Variants in PPARGC1A observed in about 807,000 individuals in gnomAD.
The protein encoded by PPARGC1A is peroxisome proliferator-activated receptor gamma coactivator 1-alpha.
In PPARGC1A, 25 loss-of-function variants were observed where a neutral mutation model predicts 88.7. That is an observed-to-expected ratio of 0.28 (90% CI 0.21 to 0.39). The LOEUF (loss-of-function observed/expected upper bound fraction) is 0.39, where lower values mean the gene tolerates loss of function less well. Ranked by LOEUF, PPARGC1A falls within the 10% of genes least tolerant of loss-of-function variation. The pLI, the probability that PPARGC1A is intolerant of heterozygous loss-of-function variation, is 1.00. For synonymous variants in PPARGC1A, 363 were observed against 355.6 expected, an observed-to-expected ratio of 1.02 and a Z score of -0.24; for missense variants, 880 against 968.7, an observed-to-expected ratio of 0.91 and a Z score of 1.22.
At chr4:24,249,078 C>T in the PPARGC1A span, among the ~76,000 whole-genome samples, 5 of 152,136 alleles carry the variant, frequency 3.3e-5, no homozygotes, top group African/African-American at 1.2e-4. Context: ...CAACACTTTG[C>T]CCTCAGATCC....
At chr4:24,017,763 G>GA in the PPARGC1A span, among the ~76,000 whole-genome samples, 24 of 151,982 alleles carry the variant, frequency 1.6e-4, no homozygotes, top group African/African-American at 5.5e-4. Flanking sequence ...TGGGACCCTA[G>GA]AAAAAAAACT....
At chr4:24,049,354 A>T in the PPARGC1A span, among the ~76,000 whole-genome samples, 1 of 148,240 alleles carries the variant, frequency 6.7e-6, no homozygotes, top group African/African-American at 2.5e-5. Flanking sequence ...ATATATGAAT[A>T]ATCAGGGAAG....
intron 7 of PPARGC1A, chr4:23,820,738 C>A: frequency 3.9e-6 from 1 of 254,766 alleles, no homozygotes; most frequent in Non-Finnish European, 8.4e-6. Flanking sequence ...AGCAAACTTC[C>A]TATCTCATCC....
At chr4:24,454,196 G>GAC in the PPARGC1A span, among the ~76,000 whole-genome samples, 2 of 151,198 alleles carry the variant, frequency 1.3e-5, no homozygotes, top group South Asian at 4.2e-4. Flanking sequence ...GAAGACATAA[G>GAC]TGAACCCAGC....
chr4:24,179,649 G>T, the PPARGC1A span, among the ~76,000 whole-genome samples: 3 of 152,284 alleles, frequency 2.0e-5, no homozygotes, highest in East Asian at 5.8e-4. Flanking sequence ...GCAAAAGCAT[G>T]CATGAACCCA....
At chr4:24,368,365 C>G in the PPARGC1A span, among the ~76,000 whole-genome samples, 1 of 152,216 alleles carries the variant, frequency 6.6e-6, no homozygotes, top group South Asian at 2.1e-4. Flanking sequence ...TTAACAGATA[C>G]TTTCAATAAG....
chr4:24,470,131 CTG>C, the PPARGC1A span, among the ~76,000 whole-genome samples: 1 of 152,090 alleles, frequency 6.6e-6, no homozygotes, highest in Non-Finnish European at 1.5e-5. The surrounding 1 kb of genome is among the most constrained non-coding windows in gnomAD (Gnocchi z 5.8). Flanking sequence ...CCTAACGCCT[CTG>C]ACTCCAGGAC....
the PPARGC1A span, among the ~76,000 whole-genome samples, chr4:24,385,981 C>T: frequency 8.5e-5 from 13 of 152,194 alleles, no homozygotes; most frequent in Admixed American, 1.3e-4. Flanking sequence ...AACATCAGTG[C>T]GAAAATTCTC....
chr4:24,171,191 C>T, the PPARGC1A span, among the ~76,000 whole-genome samples: 6 of 152,022 alleles, frequency 3.9e-5, no homozygotes, highest in Non-Finnish European at 7.4e-5. Context: ...ACCGGCGGAT[C>T]GGTCAAGGGA....
chr4:24,373,398 T>C, the PPARGC1A span, among the ~76,000 whole-genome samples: 4 of 152,176 alleles, frequency 2.6e-5, no homozygotes, highest in Admixed American at 2.6e-4. Flanking sequence ...AAGACTGCTG[T>C]TCAAAATTAG....
At chr4:24,422,278 A>C in the PPARGC1A span, among the ~76,000 whole-genome samples, 2 of 152,386 alleles carry the variant, frequency 1.3e-5, no homozygotes, top group Admixed American at 1.3e-4. Flanking sequence ...CCTTTACAAA[A>C]GAAAAGTTTG....
chr4:23,921,580 T>C, the PPARGC1A span, among the ~76,000 whole-genome samples: 7 of 152,076 alleles, frequency 4.6e-5, no homozygotes, highest in African/African-American at 7.2e-5. Context: ...CTGGCGACAA[T>C]AGAACTGTCT....
At chr4:24,237,560 A>G in the PPARGC1A span, among the ~76,000 whole-genome samples, 1 of 152,288 alleles carries the variant, frequency 6.6e-6, no homozygotes, top group African/African-American at 2.4e-5. Context: ...ATGGAGTTCG[A>G]TACCCGTAAT....
chr4:23,896,746 TA>T (rs1430700032), intron 1 of PPARGC1A, among the ~76,000 whole-genome samples: 1 of 152,164 alleles, frequency 6.6e-6, no homozygotes, highest in African/African-American at 2.4e-5. Context: ...TATACAATAG[TA>T]AATATTTTCA....
In PPARGC1A at chr4:23,793,968, A is replaced by AAAC. The variant is rs1425604372; in HGVS notation, c.*1851_*1853dup. 1 of 152,612 alleles carries AAAC rather than the reference A, an allele frequency of 6.6e-6. No individual in the cohort carries two copies. Among genetic ancestry groups the AAAC allele is most frequent in the African/African-American group, 2.4e-5 (1 of 41,464 alleles). 9.5% of individuals were successfully genotyped at this position (152,612 alleles called of 1,614,324 possible). On this transcript the variant is annotated 3_prime_UTR_variant, in exon 13 of 13. Transcript: ENST00000264867. ...CAACTGATAAATATGTCTCTTTAGT[A>AAAC]AACAAAGGAATGAAATATCAGTATT... is the stretch of plus-strand genomic sequence containing the variant.
chr4:23,817,243 C>T (rs978618832), intron 7 of PPARGC1A, among the ~76,000 whole-genome samples: 3 of 152,090 alleles, frequency 2.0e-5, no homozygotes, highest in Admixed American at 6.6e-5. Context: ...ATTTGAAACC[C>T]TTGTCCTAGT....
the PPARGC1A span, among the ~76,000 whole-genome samples, chr4:24,254,003 A>AG: frequency 6.6e-6 from 1 of 152,318 alleles, no homozygotes; most frequent in South Asian, 2.1e-4. Flanking sequence ...ACACTGATTT[A>AG]ATAATATTAT....
the PPARGC1A span, among the ~76,000 whole-genome samples, chr4:24,354,527 T>C: frequency 6.6e-6 from 1 of 152,232 alleles, no homozygotes; most frequent in Non-Finnish European, 1.5e-5. Flanking sequence ...AGTTTTCTTT[T>C]ACTCACTAAA....
At chr4:23,819,182 TA>T (rs1284171759) in intron 7 of PPARGC1A, among the ~76,000 whole-genome samples, 4 of 152,042 alleles carry the variant, frequency 2.6e-5, no homozygotes, top group Non-Finnish European at 5.9e-5. Context: ...ATTCAGTAGA[TA>T]AAAGCTGCCC....
Sources: allele counts gnomAD v4.1 joint callset (sites outside exome capture counted in the v4.1 genomes callset), GRCh38; gene constraint gnomAD v4.1.1; non-coding constraint Gnocchi (gnomAD v3.1); transcripts MANE v1.5; gene names NCBI Gene and HGNC (gene_info 2026-07-23, HGNC 2026-07-21).